SLIT2: variants seen among roughly 807,000 people sequenced by gnomAD.
SLIT2 encodes the protein slit homolog 2 protein.
SLIT2 carries 41 observed loss-of-function variants against 185.7 expected under a neutral mutation model. That is an observed-to-expected ratio of 0.22 (90% CI 0.17 to 0.29). SLIT2 has a LOEUF of 0.29. Among genes scored for constraint, SLIT2 ranks in the 10% least tolerant of loss-of-function variants. SLIT2 has a pLI of 1.00. For missense variants in SLIT2, 1,571 were observed against 1,909.0 expected, an observed-to-expected ratio of 0.82 and a Z score of 3.30; for synonymous variants, 693 against 680.2, an observed-to-expected ratio of 1.02 and a Z score of -0.29.
chr4:20,320,266 T>G (rs979059089), intron 4 of SLIT2, among the ~76,000 whole-genome samples: 3 of 152,216 alleles, frequency 2.0e-5, no homozygotes, highest in African/African-American at 7.2e-5. Context: ...AGTTTCTTCT[T>G]GGTCTTAACA....
chr4:20,383,129 A>G (rs963547091), intron 4 of SLIT2, among the ~76,000 whole-genome samples: 22 of 152,190 alleles, frequency 1.4e-4, no homozygotes, highest in Admixed American at 2.0e-4. Flanking sequence ...ATGTCACACC[A>G]TATGCAAATA....
At chr4:20,348,864 G>T (rs1316537159) in intron 4 of SLIT2, among the ~76,000 whole-genome samples, 2 of 152,176 alleles carry the variant, frequency 1.3e-5, no homozygotes, top group Non-Finnish European at 2.9e-5. Context: ...CACTTTCACA[G>T]AAATCCCAGT....
At position 20,511,587 on chromosome 4, in the gene SLIT2, A is replaced by ATTTTTTTT. The variant is rs759622666; in HGVS notation, c.1058+459_1058+466dup. On this transcript the variant is annotated intron_variant, in intron 11 of 36. Transcript: ENST00000504154. ...AGGCGCCTGCCACCACATCCAGCTA[A>ATTTTTTTT]TTTTTTTTTTTTTTTTATTTTTGGT... 8.0e-4 allele frequency among the ~76,000 whole-genome samples: 66 copies of ATTTTTTTT among 82,168 alleles called. 2 individuals carry two copies. Among genetic ancestry groups the ATTTTTTTT allele is most frequent in the African/African-American group, 1.6e-3 (31 of 19,994 alleles). The allele number at this position is 82,168 out of a possible 152,430, so 53.9% of individuals were successfully genotyped here.
chr4:20,612,745 G>T (rs184515943), intron 34 of SLIT2, among the ~76,000 whole-genome samples: 1 of 151,818 alleles, frequency 6.6e-6, no homozygotes, highest in Non-Finnish European at 1.5e-5. Context: ...GTGAAACCCC[G>T]TCTCTACTAA....
intron 4 of SLIT2, among the ~76,000 whole-genome samples, chr4:20,317,086 C>T (rs773850301): frequency 1.3e-5 from 2 of 151,260 alleles, no homozygotes; most frequent in Admixed American, 6.6e-5. Context: ...TTCACAGCCA[C>T]GTTTTGAAGA....
chr4:20,345,053 A>G (rs1721274550), intron 4 of SLIT2, among the ~76,000 whole-genome samples: 1 of 152,240 alleles, frequency 6.6e-6, no homozygotes, highest in Non-Finnish European at 1.5e-5. Context: ...AGTAAAATAC[A>G]TAAGTTATGT....
At chr4:20,323,247 AC>A (rs1225997039) in intron 4 of SLIT2, among the ~76,000 whole-genome samples, 6 of 152,134 alleles carry the variant, frequency 3.9e-5, no homozygotes, top group African/African-American at 1.4e-4. Context: ...TCGTATCAAG[AC>A]TCTGATATCT....
chr4:20,260,657 T>TA (rs1341487648), intron 3 of SLIT2, among the ~76,000 whole-genome samples: 2 of 81,376 alleles, frequency 2.5e-5, no homozygotes, highest in East Asian at 1.2e-3. Flanking sequence ...TAAAGATCTG[T>TA]ACCTTTTAAA....
At position 20,618,780 on chromosome 4, in the gene SLIT2, G is replaced by T. The variant is rs764874840; in HGVS notation, c.4361G>T (p.Arg1454Leu). 6.3e-7 allele frequency: 1 copy of T among 1,584,014 alleles called. No individual in the cohort carries two copies. Among genetic ancestry groups the T allele is most frequent in the Non-Finnish European group, 8.6e-7 (1 of 1,157,696 alleles). The change falls in exon 37 of 37, where the codon CGA (arginine) becomes CTA (leucine). Residue 1454 changes from arginine (R) to leucine (L), a missense_variant. Arg to Leu is a moderately radical substitution (Grantham distance 102). Coordinates refer to ENST00000504154, the MANE Select transcript of SLIT2 (RefSeq NM_004787.4). ...GDSCDREISC[R>L]GERIRDYYQK... Reference sequence around the variant, plus strand: ...TGTTCTTTTCTAGAAATCTCTTGTCGAGGGGAAAGGATAAGAGATTATTAC... The same window carrying T: ...TGTTCTTTTCTAGAAATCTCTTGTCTAGGGGAAAGGATAAGAGATTATTAC...
intron 4 of SLIT2, among the ~76,000 whole-genome samples, chr4:20,329,830 C>T (rs183909304): frequency 6.6e-5 from 10 of 152,168 alleles, no homozygotes; most frequent in African/African-American, 2.2e-4. Context: ...TAACCAGCCT[C>T]ACCAGTTGAT....
chr4:20,426,771 T>TA (rs555552736), intron 4 of SLIT2, among the ~76,000 whole-genome samples: 14 of 152,234 alleles, frequency 9.2e-5, no homozygotes, highest in Middle Eastern at 6.8e-3. Context: ...ATAATGATGA[T>TA]AAAAAAATAC....
chr4:20,440,130 A>G (rs1270155869), intron 4 of SLIT2, among the ~76,000 whole-genome samples: 1 of 152,158 alleles, frequency 6.6e-6, no homozygotes, highest in Non-Finnish European at 1.5e-5. Context: ...ATCTTTATAT[A>G]CCATTAAATT....
At chr4:20,604,489 A>G (rs1200786408) in intron 33 of SLIT2, among the ~76,000 whole-genome samples, 1 of 151,930 alleles carries the variant, frequency 6.6e-6, no homozygotes, top group Non-Finnish European at 1.5e-5. Flanking sequence ...AGCTGGGACT[A>G]CAGGCGCTCA....
intron 4 of SLIT2, among the ~76,000 whole-genome samples, chr4:20,348,404 A>ATTTT (rs57165574): frequency 7.7e-4 from 114 of 148,624 alleles, no homozygotes; most frequent in African/African-American, 3.7e-4. Context: ...ATGCCTGGCT[A>ATTTT]TTTTTTTTTT....
At chr4:20,283,892 A>C (rs76498824) in intron 4 of SLIT2, among the ~76,000 whole-genome samples, 8,680 of 152,214 alleles carry the variant, frequency 0.057, 267 homozygotes, top group Middle Eastern at 0.092. Flanking sequence ...AGAATACCCA[A>C]ACCCTCCCAT....
intron 4 of SLIT2, among the ~76,000 whole-genome samples, chr4:20,304,324 A>C (rs1717335933): frequency 6.6e-6 from 1 of 152,218 alleles, no homozygotes; most frequent in African/African-American, 2.4e-5. Context: ...AGAACTAAAA[A>C]TTGGACTATA....
chr4:20,367,146 A>G (rs556480087), intron 4 of SLIT2, among the ~76,000 whole-genome samples: 4 of 152,298 alleles, frequency 2.6e-5, no homozygotes, highest in Non-Finnish European at 5.9e-5. Context: ...GCATCATTCA[A>G]ATTACAAAAA....
chr4:20,569,457 TA>T (rs1725378092), intron 29 of SLIT2, among the ~76,000 whole-genome samples: 1 of 152,042 alleles, frequency 6.6e-6, no homozygotes, highest in Non-Finnish European at 1.5e-5. Context: ...TCCCTCAAAA[TA>T]AAAGTCAGGA....
At chr4:20,527,236 A>T (rs554695775) in intron 15 of SLIT2, among the ~76,000 whole-genome samples, 1 of 151,962 alleles carries the variant, frequency 6.6e-6, no homozygotes, top group African/African-American at 2.4e-5. Context: ...CTACCATTTT[A>T]TATGGCACTC....
Sources: allele counts gnomAD v4.1 joint callset (sites outside exome capture counted in the v4.1 genomes callset), GRCh38; gene constraint gnomAD v4.1.1; transcripts MANE v1.5; gene names NCBI Gene and HGNC (gene_info 2026-07-23, HGNC 2026-07-21).